Variants in EXOC2 observed in about 807,000 individuals in gnomAD.
EXOC2 encodes exocyst complex component 2.
A neutral mutation model predicts 131.8 loss-of-function variants in EXOC2; 70 were observed. The ratio of observed to expected loss-of-function variants is 0.53; its 90% CI spans 0.44 to 0.65. The LOEUF is 0.65. Ranked by LOEUF, EXOC2 falls within the 30% of genes least tolerant of loss-of-function variation. The probability of loss-of-function intolerance (pLI) is 0.00; values close to 1 mark genes in which losing one functional copy is unlikely to be tolerated. For missense variants in EXOC2, 923 were observed against 1,108.6 expected, an observed-to-expected ratio of 0.83 and a Z score of 2.38; for synonymous variants, 411 against 398.4, an observed-to-expected ratio of 1.03 and a Z score of -0.38.
chr6:529,096 C>A (rs939495869), intron 23 of EXOC2, among the ~76,000 whole-genome samples: 8 of 137,654 alleles, frequency 5.8e-5, no homozygotes, highest in African/African-American at 2.2e-4. Context: ...TCCCCGTTAG[C>A]CCGGCATCGC....
chr6:521,364 A>G (rs1222975661), intron 23 of EXOC2, among the ~76,000 whole-genome samples: 1 of 152,128 alleles, frequency 6.6e-6, no homozygotes. Context: ...ACTCGGAGAC[A>G]AAAACAGATT....
intron 1 of EXOC2, among the ~76,000 whole-genome samples, chr6:691,508 T>C (rs142606546): frequency 6.6e-6 from 1 of 152,316 alleles, no homozygotes; most frequent in East Asian, 1.9e-4. Context: ...GAAGAGTAAA[T>C]ACATTTGTTG....
chr6:596,085 A>G (rs894311746), intron 10 of EXOC2, among the ~76,000 whole-genome samples: 1 of 151,996 alleles, frequency 6.6e-6, no homozygotes, highest in African/African-American at 2.4e-5. Flanking sequence ...GCGTCCTTTC[A>G]TGGTGGTGAT....
chr6:556,086 G>T, intron 18 of EXOC2, 73 bp from the exon 19 acceptor site: 2 of 1,401,076 alleles, frequency 1.4e-6, no homozygotes, highest in South Asian at 1.2e-5. Context: ...AGTTAGATAT[G>T]AACAGTTAAA....
chr6:497,061 T>C (rs1763785633), intron 25 of EXOC2, among the ~76,000 whole-genome samples: 1 of 152,244 alleles, frequency 6.6e-6, no homozygotes, highest in South Asian at 2.1e-4. Flanking sequence ...AAAAATTTCC[T>C]GCGGAATGGA....
At chr6:539,391 G>T (rs549769999) in intron 22 of EXOC2, among the ~76,000 whole-genome samples, 2 of 151,990 alleles carry the variant, frequency 1.3e-5, no homozygotes, top group Non-Finnish European at 2.9e-5. Flanking sequence ...TCCATCTCAC[G>T]CACCGGCACT....
At chr6:595,450 A>G in intron 10 of EXOC2, among the ~76,000 whole-genome samples, 1 of 152,056 alleles carries the variant, frequency 6.6e-6, no homozygotes, top group East Asian at 1.9e-4. Context: ...AAATAAAATA[A>G]TCATTAACAA....
At chr6:556,652 C>T in intron 17 of EXOC2, 88 bp from the exon 18 acceptor site, 1 of 1,368,912 alleles carries the variant, frequency 7.3e-7, no homozygotes, top group South Asian at 1.2e-5. Flanking sequence ...GCCCCAAGCC[C>T]CACATTTTCC....
chr6:504,212 C>G (rs560680093), intron 23 of EXOC2, among the ~76,000 whole-genome samples: 8 of 152,326 alleles, frequency 5.3e-5, no homozygotes, highest in Non-Finnish European at 1.0e-4. Context: ...GGGGCTGGGA[C>G]GGTGACGTAC....
chr6:575,335 AT>A, intron 12 of EXOC2, among the ~76,000 whole-genome samples: 1 of 152,346 alleles, frequency 6.6e-6, no homozygotes, highest in South Asian at 2.1e-4. Context: ...AATCAGTGAT[AT>A]TTGCTTCAGC....
intron 1 of EXOC2, among the ~76,000 whole-genome samples, chr6:664,033 T>G (rs533463256): frequency 3.9e-5 from 6 of 152,182 alleles, no homozygotes; most frequent in Admixed American, 3.9e-4. Flanking sequence ...CCTTGAAAAC[T>G]CTAAGGACTC....
chr6:491,101 CAACT>C lies in EXOC2; in HGVS notation c.2621+20_2621+23del, dbSNP rs756451975. ...CAACCTTTATTTTTAATAGAGCACT[CAACT>C]AAAGAACACTGCCACTTACTTGCTT... is the stretch of plus-strand genomic sequence containing the variant. On this transcript the variant is annotated intron_variant, in intron 26 of 27. Transcript: ENST00000230449. The C allele has an allele frequency of 1.2e-6, 2 of 1,612,558 alleles. No homozygotes were observed. The highest frequency in any genetic ancestry group is 1.1e-5 in the South Asian group (1 of 91,040).
chr6:511,465 C>T (rs1478954633), intron 23 of EXOC2, among the ~76,000 whole-genome samples: 1 of 152,114 alleles, frequency 6.6e-6, no homozygotes, highest in Non-Finnish European at 1.5e-5. Context: ...AGTAAGAAAT[C>T]TAGGTAGAAA....
chr6:499,040 G>A (rs1432437747), intron 24 of EXOC2, among the ~76,000 whole-genome samples: 2 of 152,168 alleles, frequency 1.3e-5, no homozygotes, highest in Non-Finnish European at 2.9e-5. Flanking sequence ...TAACCAGGAT[G>A]TTCACTGAGG....
At chr6:516,329 C>T (rs555763014) in intron 23 of EXOC2, among the ~76,000 whole-genome samples, 4 of 152,218 alleles carry the variant, frequency 2.6e-5, no homozygotes, top group East Asian at 1.9e-4. Flanking sequence ...TGCTAGGCCA[C>T]GCGTACATGA....
intron 7 of EXOC2, among the ~76,000 whole-genome samples, chr6:603,421 T>C (rs549207219): frequency 2.6e-5 from 4 of 152,140 alleles, no homozygotes; most frequent in African/African-American, 4.8e-5. Context: ...CACAGCACTA[T>C]GCCTGACACT....
intron 22 of EXOC2, among the ~76,000 whole-genome samples, chr6:543,770 T>C (rs1390662552): frequency 6.6e-6 from 1 of 152,166 alleles, no homozygotes; most frequent in East Asian, 1.9e-4. Flanking sequence ...GGCTACTGAC[T>C]AAGTCAGGGA....
chr6:692,827 G>GGCGGGGAGGGGGGCT (rs1765006646), intron 1 of EXOC2, among the ~76,000 whole-genome samples, 192 bp downstream of exon 1: 4 of 144,848 alleles, frequency 2.8e-5, no homozygotes, highest in East Asian at 2.2e-4. Context: ...GGCGGCTGAC[G>GGCGGGGAGGGGGGCT]GCGGGGATGG....
chr6:576,893 A>G lies in EXOC2; in HGVS notation c.1193-11T>C. 2 of 1,613,580 alleles carry G rather than the reference A, an allele frequency of 1.2e-6. No homozygotes were observed. Among genetic ancestry groups the G allele is most frequent in the Non-Finnish European group, 1.7e-6 (2 of 1,179,678 alleles). On this transcript the variant is annotated splice_polypyrimidine_tract_variant and intron_variant, in intron 11 of 27. Transcript: ENST00000230449. ...GCAGGCCTGGGTTACCTGGGGAAGA[A>G]AGGAGAGATATACAGAGTATATAGC...
Sources: allele counts gnomAD v4.1 joint callset (sites outside exome capture counted in the v4.1 genomes callset), GRCh38; gene constraint gnomAD v4.1.1; transcripts MANE v1.5; gene names NCBI Gene and HGNC (gene_info 2026-07-23, HGNC 2026-07-21).